The following PCDHGB2 variants were observed in gnomAD, a reference collection of about 807,000 sequenced individuals.
PCDHGB2 encodes protocadherin gamma-B2.
In PCDHGB2, 55 loss-of-function variants were observed where a neutral mutation model predicts 59.3. The observed-to-expected ratio is 0.93, with a 90% CI of 0.75 to 1.16. The LOEUF is 1.16. Among genes scored for constraint, PCDHGB2 ranks in the 50% most tolerant of loss-of-function variants. The pLI is 0.00. For synonymous variants in PCDHGB2, 516 were observed against 512.0 expected, an observed-to-expected ratio of 1.01 and a Z score of -0.11; for missense variants, 1,228 against 1,198.5, an observed-to-expected ratio of 1.02 and a Z score of -0.36.
intron 1 of PCDHGB2, chr5:141,413,690 A>G (rs553462819): frequency 6.2e-7 from 1 of 1,613,702 alleles, no homozygotes; most frequent in Non-Finnish European, 8.5e-7. Flanking sequence ...AACTCCCTGC[A>G]GAGCTATCAG....
intron 1 of PCDHGB2, among the ~76,000 whole-genome samples, chr5:141,457,906 T>G (rs1272656638): frequency 6.7e-6 from 1 of 150,040 alleles, no homozygotes; most frequent in Admixed American, 6.6e-5. Flanking sequence ...AGACAAGGTG[T>G]GAGGCCAGTT....
intron 1 of PCDHGB2, chr5:141,395,065 A>G: frequency 6.2e-7 from 1 of 1,614,132 alleles, no homozygotes; most frequent in South Asian, 1.1e-5. Context: ...GCTTTCCTGC[A>G]GACCTATTCC....
At chr5:141,418,248 C>G (rs372067603) in intron 1 of PCDHGB2, 1 of 1,614,000 alleles carries the variant, frequency 6.2e-7, no homozygotes, top group Admixed American at 1.7e-5. Context: ...AATGACCACG[C>G]CCCTCAATTC....
intron 1 of PCDHGB2, chr5:141,421,732 C>T: frequency 6.2e-7 from 1 of 1,613,934 alleles, no homozygotes; most frequent in Non-Finnish European, 8.5e-7. Flanking sequence ...GAACTCCCTC[C>T]AGAGCTACCA....
intron 1 of PCDHGB2, chr5:141,440,744 A>C (rs2098197850): frequency 6.6e-6 from 1 of 152,194 alleles, no homozygotes; most frequent in Non-Finnish European, 1.5e-5. Context: ...CTGCTTGACT[A>C]GGAAAAGCAG....
At chr5:141,365,057 A>T (rs1763709144) in intron 1 of PCDHGB2, 1 of 1,613,594 alleles carries the variant, frequency 6.2e-7, no homozygotes, top group Non-Finnish European at 8.5e-7. Context: ...GCCCCTGTTC[A>T]CCCCATCCGA....
intron 1 of PCDHGB2, among the ~76,000 whole-genome samples, chr5:141,445,447 A>G (rs974383838): frequency 3.4e-4 from 51 of 152,222 alleles, no homozygotes; most frequent in Admixed American, 1.3e-3. Flanking sequence ...TGGACTAAGG[A>G]TGCAGCAATG....
chr5:141,386,226 C>T (rs1164415292), intron 1 of PCDHGB2, among the ~76,000 whole-genome samples: 1 of 152,142 alleles, frequency 6.6e-6, no homozygotes, highest in Non-Finnish European at 1.5e-5. Flanking sequence ...ATTAGGTCTA[C>T]TGAAAAATTC....
intron 1 of PCDHGB2, chr5:141,433,331 C>G: frequency 1.4e-6 from 1 of 699,624 alleles, no homozygotes; most frequent in South Asian, 1.9e-5. Context: ...GTAACAGGGA[C>G]TACAGGTGCA....
At chr5:141,421,229 T>C (rs776952658) in intron 1 of PCDHGB2, 3 of 1,589,662 alleles carry the variant, frequency 1.9e-6, no homozygotes, top group South Asian at 1.1e-5. Flanking sequence ...GAGCCTGCCA[T>C]GGCGAATCGG....
At position 141,360,494 on chromosome 5, in the gene PCDHGB2, C is replaced by A. The variant is rs769927521; in HGVS notation, c.359C>A (p.Ala120Glu). Residue 120 changes from alanine (A) to glutamate (E), a missense_variant, in exon 1 of 4, where the codon GCA becomes GAA. Physicochemically the swap from Ala to Glu is moderately radical, Grantham distance 107. Around this residue, in one of 3 missense-constraint regions of PCDHGB2, gnomAD observed 781 missense variants for 721.6 expected, o/e 1.08. Coordinates refer to ENST00000522605, the MANE Select transcript of PCDHGB2 (RefSeq NM_018923.3). ...AENPLNIFYI[A>E]VIVQDINDNT... ...AATCCACTAAATATTTTCTACATAG[C>A]AGTAATTGTGCAGGATATAAATGAT... The A allele has an allele frequency of 1.9e-6, 3 of 1,613,924 alleles. No individual in the cohort carries two copies. Among genetic ancestry groups the A allele is most frequent in the Admixed American group, 1.7e-5 (1 of 60,020 alleles).
rs1780458671 is a variant in PCDHGB2 at position 141,384,757 on chromosome 5, G to C, written c.2421+22201G>C. Reference sequence around the variant, plus strand: ...CAGCGAGCCAGGACTCTTTGCGGTTGGGCTGTACACGGGCGAGGTGCGCAC... The same window carrying C: ...CAGCGAGCCAGGACTCTTTGCGGTTCGGCTGTACACGGGCGAGGTGCGCAC... On this transcript the variant is annotated intron_variant, in intron 1 of 3. Transcript: ENST00000522605. 7 of 1,613,872 alleles carry C rather than the reference G, an allele frequency of 4.3e-6. No individual in the cohort carries two copies. The East Asian group carries it at 1.6e-4, about 36-fold the overall frequency.
At chr5:141,375,879 G>C in intron 1 of PCDHGB2, 1 of 1,613,144 alleles carries the variant, frequency 6.2e-7, no homozygotes, top group Non-Finnish European at 8.5e-7. Flanking sequence ...AGAGACTCGG[G>C]CCAGAACGCC....
chr5:141,414,290 T>G (rs781378958), intron 1 of PCDHGB2: 5 of 1,613,154 alleles, frequency 3.1e-6, no homozygotes, highest in Non-Finnish European at 4.2e-6. Context: ...GTCGTAGCCC[T>G]TTTAAATGTG....
intron 1 of PCDHGB2, among the ~76,000 whole-genome samples, chr5:141,492,641 G>A (rs2099742804): frequency 6.6e-6 from 1 of 152,226 alleles, no homozygotes; most frequent in African/African-American, 2.4e-5. Flanking sequence ...ACGATCCTTG[G>A]GCCAGAGGTC....
At chr5:141,394,577 G>A (rs757579320) in intron 1 of PCDHGB2, 5 of 1,613,986 alleles carry the variant, frequency 3.1e-6, no homozygotes, top group South Asian at 1.1e-5. Context: ...GCTACCTGGT[G>A]ACCAAGGTGG....
At chr5:141,407,505 T>TTTTTTTTTTTTTTTTTTTTTTGAG (rs1460306566) in intron 1 of PCDHGB2, among the ~76,000 whole-genome samples, 1 of 152,148 alleles carries the variant, frequency 6.6e-6, no homozygotes, top group African/African-American at 2.4e-5. Context: ...CTGTTTTTCT[T>TTTTTTTTTTTTTTTTTTTTTTGAG]AGGCTATGTA....
chr5:141,374,622 T>A, intron 1 of PCDHGB2: 3 of 1,613,470 alleles, frequency 1.9e-6, no homozygotes, highest in Non-Finnish European at 2.5e-6. Context: ...CACTTCTCAG[T>A]GGACGTGCAA....
At chr5:141,383,674 A>T in intron 1 of PCDHGB2, 1 of 1,614,034 alleles carries the variant, frequency 6.2e-7, no homozygotes, top group Non-Finnish European at 8.5e-7. Context: ...GCCAGTGGGT[A>T]CAAGACTGCT....
Sources: gnomAD v4.1 joint callset for allele counts (sites outside exome capture counted in the v4.1 genomes callset) on GRCh38, gnomAD v4.1.1 for gene constraint, gnomAD v4.1.1 regional missense constraint, MANE v1.5 for transcripts, NCBI Gene and HGNC (gene_info 2026-07-23, HGNC 2026-07-21) for gene names.